Variants in SLC10A7 observed in about 807,000 individuals in gnomAD.
The protein encoded by SLC10A7 is sodium/bile acid cotransporter 7.
SLC10A7 carries 29 observed loss-of-function variants against 43.2 expected under a neutral mutation model. That is an observed-to-expected ratio of 0.67 (90% CI 0.50 to 0.92). The LOEUF (loss-of-function observed/expected upper bound fraction) is 0.92, where lower values mean the gene tolerates loss of function less well. Ranked by LOEUF, SLC10A7 falls within the 40% of genes least tolerant of loss-of-function variation. The pLI is 0.00. For missense variants in SLC10A7, 295 were observed against 403.2 expected, an observed-to-expected ratio of 0.73 and a Z score of 2.30; for synonymous variants, 152 against 144.8, an observed-to-expected ratio of 1.05 and a Z score of -0.35.
chr4:146,504,499 A>G (rs562302951), intron 3 of SLC10A7, among the ~76,000 whole-genome samples: 1 of 142,648 alleles, frequency 7.0e-6, no homozygotes, highest in African/African-American at 2.6e-5. Flanking sequence ...AGCCTGGGCG[A>G]AAGAGTGAGA....
At chr4:146,399,690 AAG>A (rs1242654932) in intron 5 of SLC10A7, among the ~76,000 whole-genome samples, 1 of 152,178 alleles carries the variant, frequency 6.6e-6, no homozygotes, top group Non-Finnish European at 1.5e-5. Flanking sequence ...AGACAATGGA[AAG>A]AGAGAAATCA....
At chr4:146,514,624 C>A (rs1002317009) in intron 2 of SLC10A7, 2 of 152,404 alleles carry the variant, frequency 1.3e-5, no homozygotes, top group African/African-American at 4.8e-5. Flanking sequence ...ATAAATCAAA[C>A]TTGAATGGGA....
intron 5 of SLC10A7, among the ~76,000 whole-genome samples, chr4:146,373,655 T>C (rs1736954664): frequency 6.6e-6 from 1 of 152,198 alleles, no homozygotes; most frequent in Admixed American, 6.5e-5. Flanking sequence ...AAATGTTTAA[T>C]ACTGTAGTTT....
intron 5 of SLC10A7, among the ~76,000 whole-genome samples, chr4:146,351,256 A>G (rs556234160): frequency 0.31 from 44,320 of 142,208 alleles, 7,910 homozygotes; most frequent in African/African-American, 0.49. Context: ...AGGAGCTGAT[A>G]CGATCAACTG....
Position 146,254,625 on chromosome 4 carries a change from G to A in SLC10A7, c.*1866C>T, listed in dbSNP as rs370993667. The A allele has an allele frequency of 1.2e-4, 19 of 152,232 alleles. No individual in the cohort carries two copies. The highest frequency in any genetic ancestry group is 4.6e-4 in the African/African-American group (19 of 41,544). The allele number at this position is 152,232 out of a possible 1,614,324, so 9.4% of individuals were successfully genotyped here. A position where few individuals can be genotyped will look rare whatever the true frequency, so the allele number is the denominator to read the frequency against. On this transcript the variant is annotated 3_prime_UTR_variant, in exon 12 of 12. Coordinates refer to ENST00000335472, the MANE Select transcript of SLC10A7 (RefSeq NM_001029998.6). ...TATCCCATGATCACACCTACTATAG[G>A]TGTTAGACAATAGAGGTAGATAAGT...
chr4:146,353,520 C>A (rs1190329628), intron 5 of SLC10A7, among the ~76,000 whole-genome samples: 2 of 75,562 alleles, frequency 2.6e-5, no homozygotes, highest in East Asian at 8.2e-4. Flanking sequence ...AGAGGGAATC[C>A]TCCCTAACTC....
intron 4 of SLC10A7, among the ~76,000 whole-genome samples, chr4:146,479,385 T>C (rs1734274396): frequency 6.6e-6 from 1 of 152,138 alleles, no homozygotes; most frequent in South Asian, 2.1e-4. Flanking sequence ...TCATATCCAT[T>C]ATAATTAAAA....
chr4:146,351,863 C>T (rs1324016128), intron 5 of SLC10A7, among the ~76,000 whole-genome samples: 5 of 128,552 alleles, frequency 3.9e-5, no homozygotes, highest in African/African-American at 6.6e-5. Flanking sequence ...CCAGGCCTGC[C>T]CTAAAAGAGC....
At chr4:146,298,852 T>C (rs1730963483) in intron 7 of SLC10A7, among the ~76,000 whole-genome samples, 1 of 152,182 alleles carries the variant, frequency 6.6e-6, no homozygotes, top group South Asian at 2.1e-4. Flanking sequence ...CAACACACTT[T>C]GTTCTACAAA....
intron 6 of SLC10A7, among the ~76,000 whole-genome samples, chr4:146,325,697 G>T (rs1328953871): frequency 6.6e-6 from 1 of 152,128 alleles, no homozygotes; most frequent in Admixed American, 6.6e-5. Context: ...TTTGTAACCT[G>T]TGTCATGGGG....
At chr4:146,297,944 T>C (rs1031509920) in intron 7 of SLC10A7, among the ~76,000 whole-genome samples, 5 of 152,150 alleles carry the variant, frequency 3.3e-5, no homozygotes, top group Non-Finnish European at 7.3e-5. Flanking sequence ...GAGTTTACAG[T>C]TGGAAACAGA....
At chr4:146,332,900 C>T (rs780302384) in intron 5 of SLC10A7, among the ~76,000 whole-genome samples, 3 of 152,138 alleles carry the variant, frequency 2.0e-5, no homozygotes, top group Admixed American at 2.0e-4. Flanking sequence ...AAGATATGGA[C>T]CTATTCCTGG....
At chr4:146,302,555 A>G (rs958824568) in intron 7 of SLC10A7, among the ~76,000 whole-genome samples, 1 of 152,238 alleles carries the variant, frequency 6.6e-6, no homozygotes, top group Non-Finnish European at 1.5e-5. Context: ...AACCAGGGAA[A>G]TATATATCAG....
rs1730538452 is a variant in SLC10A7 at position 146,292,906 on chromosome 4, ACAAGAGATAC to A, written c.773+13_773+22del. 6.5e-7 allele frequency: 1 copy of A among 1,537,256 alleles called. No homozygotes were observed. The highest frequency in any genetic ancestry group is 9.0e-7 in the Non-Finnish European group (1 of 1,116,200). On this transcript the variant is annotated intron_variant, in intron 9 of 11. Transcript: ENST00000335472. ...TGATTCCTAATTTAGAAAACTAATA[ACAAGAGATAC>A]CAAATCACTTACCTTGTTGAAAAGA...
intron 8 of SLC10A7, 65 bp from the exon 9 acceptor site, chr4:146,293,045 G>A: frequency 2.0e-6 from 2 of 1,006,622 alleles, no homozygotes; most frequent in Non-Finnish European, 1.5e-6. Flanking sequence ...ATACTTATTG[G>A]TATACTTGTT....
intron 5 of SLC10A7, among the ~76,000 whole-genome samples, chr4:146,420,798 G>A (rs1728908129): frequency 6.6e-6 from 1 of 152,128 alleles, no homozygotes; most frequent in Admixed American, 6.5e-5. Flanking sequence ...GCTCAGGCAG[G>A]AGGATTGCTT....
At chr4:146,278,899 C>A (rs1473298261) in intron 10 of SLC10A7, among the ~76,000 whole-genome samples, 2 of 152,124 alleles carry the variant, frequency 1.3e-5, no homozygotes, top group Non-Finnish European at 2.9e-5. Context: ...AAGCTATATT[C>A]TTTTAGCTTA....
chr4:146,261,824 C>T (rs1461324879), intron 10 of SLC10A7, among the ~76,000 whole-genome samples: 1 of 152,204 alleles, frequency 6.6e-6, no homozygotes, highest in Non-Finnish European at 1.5e-5. Context: ...GTCCAAGTCT[C>T]TTTCATGTAC....
At chr4:146,418,585 G>A (rs1331144484) in intron 5 of SLC10A7, among the ~76,000 whole-genome samples, 1 of 152,078 alleles carries the variant, frequency 6.6e-6, no homozygotes, top group Non-Finnish European at 1.5e-5. Context: ...AGTTTTTTAT[G>A]ATCGTTTTTA....
Sources: allele counts gnomAD v4.1 joint callset (sites outside exome capture counted in the v4.1 genomes callset), GRCh38; gene constraint gnomAD v4.1.1; transcripts MANE v1.5; gene names NCBI Gene and HGNC (gene_info 2026-07-23, HGNC 2026-07-21).